The following GATAD2B variants were observed in gnomAD, a reference collection of about 807,000 sequenced individuals.
GATAD2B encodes the protein GATA zinc finger domain containing 2B.
Under a neutral mutation model 64.3 loss-of-function variants are expected in GATAD2B, and 8 were observed. The observed-to-expected ratio is 0.12, with a 90% CI of 0.07 to 0.22. The LOEUF is 0.22. Among genes scored for constraint, GATAD2B ranks in the 10% least tolerant of loss-of-function variants. The pLI is 1.00. For missense variants in GATAD2B, 453 were observed against 752.0 expected (o/e 0.60, Z 4.65); for synonymous variants, 281 against 271.3 (o/e 1.04, Z -0.35).
At chr1:153,885,668 C>T (rs546702215) in intron 1 of GATAD2B, among the ~76,000 whole-genome samples, 1 of 152,098 alleles carries the variant, frequency 6.6e-6, no homozygotes. Flanking sequence ...TGAGACCATC[C>T]TGGCTAACAT....
At chr1:153,896,966 A>G (rs997955643) in intron 1 of GATAD2B, among the ~76,000 whole-genome samples, 4 of 152,184 alleles carry the variant, frequency 2.6e-5, no homozygotes, top group African/African-American at 9.7e-5. Context: ...TTGGTTAAAC[A>G]AATACTTCCA....
At chr1:153,853,703 T>C (rs945865191) in intron 1 of GATAD2B, among the ~76,000 whole-genome samples, 16 of 152,210 alleles carry the variant, frequency 1.1e-4, no homozygotes, top group Admixed American at 9.8e-4. Context: ...TAATGCTTTT[T>C]CCCTGTTTTC....
At chr1:153,812,260 G>A in intron 8 of GATAD2B, 128 bp from the exon 9 acceptor site, 1 of 609,714 alleles carries the variant, frequency 1.6e-6, no homozygotes, top group East Asian at 2.8e-5. Flanking sequence ...GCACTCCTGG[G>A]CTCAAGCAAT....
intron 1 of GATAD2B, among the ~76,000 whole-genome samples, chr1:153,882,859 T>C (rs1433575986): frequency 1.3e-5 from 2 of 152,186 alleles, no homozygotes; most frequent in African/African-American, 4.8e-5. Flanking sequence ...ATAAGGACTT[T>C]TCACTTCCCC....
At chr1:153,824,433 T>TC (rs1350849807) in intron 2 of GATAD2B, among the ~76,000 whole-genome samples, 3 of 151,722 alleles carry the variant, frequency 2.0e-5, no homozygotes, top group Non-Finnish European at 2.9e-5. Flanking sequence ...ATCGAGACCA[T>TC]CTGGCCAACA....
intron 1 of GATAD2B, among the ~76,000 whole-genome samples, chr1:153,900,363 T>C (rs895380483): frequency 5.9e-5 from 9 of 151,512 alleles, no homozygotes; most frequent in Non-Finnish European, 1.0e-4. Context: ...GAGGTTACAG[T>C]GAGCCGAGAT....
chr1:153,908,686 T>C (rs1260620258), intron 1 of GATAD2B, among the ~76,000 whole-genome samples: 2 of 150,392 alleles, frequency 1.3e-5, no homozygotes, highest in South Asian at 2.1e-4. Context: ...CAGGCTGGTC[T>C]TGAACTCCTG....
At chr1:153,914,635 G>A (rs778247993) in intron 1 of GATAD2B, 1 of 152,192 alleles carries the variant, frequency 6.6e-6, no homozygotes, top group Non-Finnish European at 1.5e-5. Flanking sequence ...AAATACAATA[G>A]TAAAAAGACA....
intron 2 of GATAD2B, chr1:153,827,755 G>T (rs1223363116): frequency 1.2e-5 from 6 of 509,158 alleles, no homozygotes; most frequent in Non-Finnish European, 2.1e-5. Context: ...TGGCCTATCA[G>T]CTCTCTAGTG....
chr1:153,859,298 T>TCTAGTCTGTAGTGAGCCATGATTCCACCA lies in GATAD2B; in HGVS notation c.-1-30979_-1-30951dup, dbSNP rs1676191394. 1.8e-4 allele frequency among the ~76,000 whole-genome samples: 27 copies of TCTAGTCTGTAGTGAGCCATGATTCCACCA among 151,164 alleles called. 1 individual carries two copies. In the South Asian group the frequency reaches 5.0e-3, roughly 28 times the overall value. On this transcript the variant is annotated intron_variant, in intron 1 of 10. Transcript: ENST00000368655. ...GGGAGGATTGCTTGAGCCTGGGGGA[T>TCTAGTCTGTAGTGAGCCATGATTCCACCA]CTAGTCTGTAGTGAGCCATGATTCC... is the stretch of plus-strand genomic sequence containing the variant.
At chr1:153,874,888 T>A (rs1276134242) in intron 1 of GATAD2B, among the ~76,000 whole-genome samples, 1 of 151,438 alleles carries the variant, frequency 6.6e-6, no homozygotes, top group Non-Finnish European at 1.5e-5. Flanking sequence ...ATTTATTTAT[T>A]TTTGAAACAG....
chr1:153,916,404 A>C (rs1678268581), intron 1 of GATAD2B, among the ~76,000 whole-genome samples: 4 of 152,214 alleles, frequency 2.6e-5, no homozygotes, highest in Admixed American at 2.6e-4. Context: ...CTAGATTCAG[A>C]AATATTTAGA....
chr1:153,898,351 C>G (rs535773221), intron 1 of GATAD2B, among the ~76,000 whole-genome samples: 47 of 139,776 alleles, frequency 3.4e-4, no homozygotes, highest in Non-Finnish European at 6.3e-4. Context: ...AAAACAAAAA[C>G]AAAAAGAAAA....
intron 1 of GATAD2B, among the ~76,000 whole-genome samples, chr1:153,913,917 CAA>C (rs529962637): frequency 1.7e-4 from 17 of 100,082 alleles, no homozygotes; most frequent in Non-Finnish European, 1.2e-4. Flanking sequence ...AAGACTCTGT[CAA>C]AAAAAAAAAA....
chr1:153,815,466 T>A lies in GATAD2B; in HGVS notation c.1216+807A>T, dbSNP rs560300623. Among the ~76,000 whole-genome samples, 433 of 142,102 alleles carry A rather than the reference T, an allele frequency of 3.0e-3. 13 individuals carry two copies. In the East Asian group the frequency reaches 0.072, roughly 24 times the overall value. 93.2% of individuals were successfully genotyped at this position (142,102 alleles called of 152,430 possible). A position where few individuals can be genotyped will look rare whatever the true frequency, so the allele number is the denominator to read the frequency against. On this transcript the variant is annotated intron_variant, in intron 7 of 10. Transcript: ENST00000368655. ...ACAACAAAAACAATCTTTTTTTTTT[T>A]ACTAATGTTATAATAAAATGATGTT...
intron 1 of GATAD2B, among the ~76,000 whole-genome samples, chr1:153,870,901 A>T (rs890550510): frequency 6.6e-6 from 1 of 152,112 alleles, no homozygotes; most frequent in Non-Finnish European, 1.5e-5. Flanking sequence ...TCATACTGAT[A>T]CTAGAGAGAG....
intron 1 of GATAD2B, among the ~76,000 whole-genome samples, chr1:153,896,037 C>T (rs558378389): frequency 1.5e-3 from 225 of 151,218 alleles, no homozygotes; most frequent in Non-Finnish European, 2.4e-3. Flanking sequence ...GTGGCATGCG[C>T]CTGTAGTCCC....
chr1:153,864,718 C>T (rs1297671665), intron 1 of GATAD2B, among the ~76,000 whole-genome samples: 1 of 152,194 alleles, frequency 6.6e-6, no homozygotes, highest in East Asian at 1.9e-4. Context: ...ATTCTCAGAA[C>T]ATTCCTATGA....
intron 1 of GATAD2B, among the ~76,000 whole-genome samples, chr1:153,853,954 A>G (rs1015138234): frequency 2.0e-5 from 3 of 152,176 alleles, no homozygotes; most frequent in Non-Finnish European, 4.4e-5. Flanking sequence ...CCAAGCTGAG[A>G]CACAGAAGTT....
Sources: allele counts gnomAD v4.1 joint callset (sites outside exome capture counted in the v4.1 genomes callset), GRCh38; gene constraint gnomAD v4.1.1; transcripts MANE v1.5; gene names NCBI Gene and HGNC (gene_info 2026-07-23, HGNC 2026-07-21).